The following CACNA2D3 variants were observed in gnomAD, a reference collection of about 807,000 sequenced individuals.
CACNA2D3 encodes the protein calcium voltage-gated channel auxiliary subunit alpha2delta 3, also known as voltage-dependent calcium channel subunit alpha-2/delta-3.
A neutral mutation model predicts 160.6 loss-of-function variants in CACNA2D3; 60 were observed. That is an observed-to-expected ratio of 0.37 (90% confidence interval 0.30 to 0.46). CACNA2D3 has a LOEUF of 0.46. Among genes scored for constraint, CACNA2D3 ranks in the 20% least tolerant of loss-of-function variants. The pLI is 1.00. For missense variants in CACNA2D3, 1,205 were observed against 1,365.0 expected, an observed-to-expected ratio of 0.88 and a Z score of 1.85; for synonymous variants, 558 against 492.9, an observed-to-expected ratio of 1.13 and a Z score of -1.75.
intron 13 of CACNA2D3, among the ~76,000 whole-genome samples, chr3:54,785,165 C>A (rs1326002358): frequency 1.3e-5 from 2 of 152,126 alleles, no homozygotes; most frequent in Non-Finnish European, 2.9e-5. Flanking sequence ...ACTGCTAGTC[C>A]CATTGTTAGA....
chr3:54,360,904 A>G (rs1334327918), intron 3 of CACNA2D3, among the ~76,000 whole-genome samples: 1 of 152,068 alleles, frequency 6.6e-6, no homozygotes, highest in Non-Finnish European at 1.5e-5. Context: ...TGGTTTTTCT[A>G]TGTCTCATCC....
intron 2 of CACNA2D3, among the ~76,000 whole-genome samples, chr3:54,126,981 A>C (rs945718667): frequency 6.6e-6 from 1 of 152,190 alleles, no homozygotes; most frequent in Non-Finnish European, 1.5e-5. Flanking sequence ...GAAGCATTCT[A>C]GTAGGTCCGG....
chr3:54,897,926 T>G (rs930635494), intron 26 of CACNA2D3, among the ~76,000 whole-genome samples: 17 of 152,280 alleles, frequency 1.1e-4, no homozygotes, highest in Admixed American at 7.2e-4. Flanking sequence ...GCTTGGGATT[T>G]CAGACTAGAT....
chr3:54,577,179 C>A (rs143163091), intron 8 of CACNA2D3, among the ~76,000 whole-genome samples: 129 of 152,246 alleles, frequency 8.5e-4, no homozygotes, highest in African/African-American at 3.0e-3. Flanking sequence ...GCAAACTTAG[C>A]CAGTGTTTTA....
At chr3:54,566,253 C>T (rs1490409134) in intron 6 of CACNA2D3, among the ~76,000 whole-genome samples, 14 of 152,338 alleles carry the variant, frequency 9.2e-5, no homozygotes, top group African/African-American at 3.4e-4. Flanking sequence ...GCCCTTTCCA[C>T]CCCACTGCCC....
At chr3:54,261,921 C>A (rs1175584933) in intron 2 of CACNA2D3, among the ~76,000 whole-genome samples, 1 of 152,152 alleles carries the variant, frequency 6.6e-6, no homozygotes, top group Non-Finnish European at 1.5e-5. Context: ...CACAGACCCC[C>A]CCATGGTGCC....
chr3:54,255,580 T>C (rs1702276648), intron 2 of CACNA2D3, among the ~76,000 whole-genome samples: 1 of 152,214 alleles, frequency 6.6e-6, no homozygotes, highest in East Asian at 1.9e-4. Context: ...CTATCTTTCC[T>C]GAAACTGTTC....
chr3:54,519,660 T>C (rs1488963281), intron 5 of CACNA2D3, among the ~76,000 whole-genome samples: 1 of 152,246 alleles, frequency 6.6e-6, no homozygotes, highest in Non-Finnish European at 1.5e-5. Context: ...TAATATACTT[T>C]CAGCTTGTGC....
chr3:54,405,291 A>G (rs533811459), intron 4 of CACNA2D3, among the ~76,000 whole-genome samples: 11 of 143,550 alleles, frequency 7.7e-5, no homozygotes, highest in African/African-American at 2.9e-4. Context: ...AAAAAAAAAA[A>G]GTTGGAGGCT....
In CACNA2D3 at chr3:54,253,553, A is replaced by G. The variant is rs139867152; in HGVS notation, c.205-66889A>G. Among the ~76,000 whole-genome samples, 716 of 152,238 alleles carry G rather than the reference A, an allele frequency of 4.7e-3. 3 individuals are homozygous for G. Among genetic ancestry groups the G allele is most frequent in the African/African-American group, 0.012 (482 of 41,542 alleles). ...TAAACCATTCATGAGTGATCCGGTC[A>G]CCTTCCACCAGGGCCCACCTCCAAC... On this transcript the variant is annotated intron_variant, in intron 2 of 37. Coordinates refer to ENST00000474759, the MANE Select transcript of CACNA2D3 (RefSeq NM_018398.3).
chr3:54,957,273 C>T (rs1027154012), intron 27 of CACNA2D3, among the ~76,000 whole-genome samples: 5 of 151,830 alleles, frequency 3.3e-5, no homozygotes, highest in Non-Finnish European at 4.4e-5. Flanking sequence ...GATCTTCCTA[C>T]GGAACTTAGA....
chr3:54,159,042 C>A (rs763663454), intron 2 of CACNA2D3, among the ~76,000 whole-genome samples: 3 of 152,196 alleles, frequency 2.0e-5, no homozygotes, highest in Non-Finnish European at 4.4e-5. Context: ...TTTCCAATGC[C>A]AGAAGCTTTG....
chr3:54,380,802 T>A (rs141867880), intron 3 of CACNA2D3, among the ~76,000 whole-genome samples: 1 of 152,324 alleles, frequency 6.6e-6, no homozygotes, highest in East Asian at 1.9e-4. Context: ...TGGGTATGGT[T>A]GTGATAGTAA....
intron 2 of CACNA2D3, among the ~76,000 whole-genome samples, chr3:54,274,621 C>T (rs1269694484): frequency 6.6e-6 from 1 of 152,226 alleles, no homozygotes; most frequent in Non-Finnish European, 1.5e-5. Context: ...TTTACTATTA[C>T]ACAGTTTCTC....
At chr3:54,800,822 A>G (rs1373259008) in intron 13 of CACNA2D3, among the ~76,000 whole-genome samples, 1 of 152,136 alleles carries the variant, frequency 6.6e-6, no homozygotes, top group South Asian at 2.1e-4. Flanking sequence ...GCTGCTAACT[A>G]ATCTGGTGTG....
intron 2 of CACNA2D3, among the ~76,000 whole-genome samples, chr3:54,188,228 A>AAGAC (rs770053735): frequency 6.7e-6 from 1 of 150,226 alleles, no homozygotes; most frequent in African/African-American, 2.5e-5. Flanking sequence ...GGAGAACTTA[A>AAGAC]AAACAAACAA....
intron 18 of CACNA2D3, among the ~76,000 whole-genome samples, chr3:54,873,789 G>GA (rs1399660326): frequency 2.6e-5 from 4 of 152,138 alleles, no homozygotes; most frequent in Non-Finnish European, 4.4e-5. Context: ...TTTGGAATGT[G>GA]AATTCCTTCT....
At chr3:54,450,990 G>A (rs563313304) in intron 4 of CACNA2D3, among the ~76,000 whole-genome samples, 181 of 152,132 alleles carry the variant, frequency 1.2e-3, no homozygotes, top group African/African-American at 4.2e-3. Flanking sequence ...GGGAGGAATT[G>A]GAAGGAATAA....
rs181576850 is a variant in CACNA2D3 at position 54,498,374 on chromosome 3, G to A, written c.382-5118G>A. ...AAGTTATTGAACTTATTGGCATAAA[G>A]TTGTTTGTAATATTCCCTTATCCTT... On this transcript the variant is annotated intron_variant, in intron 4 of 37. Transcript: ENST00000474759. Among the ~76,000 whole-genome samples the A allele has an allele frequency of 3.2e-4, 49 of 152,056 alleles. No homozygotes were observed. The East Asian group carries it at 8.7e-3, about 27-fold the overall frequency.
Sources: allele counts gnomAD v4.1 joint callset (sites outside exome capture counted in the v4.1 genomes callset), GRCh38; gene constraint gnomAD v4.1.1; transcripts MANE v1.5; gene names NCBI Gene and HGNC (gene_info 2026-07-23, HGNC 2026-07-21).